The following FRMPD2 variants were observed in gnomAD, a reference collection of about 807,000 sequenced individuals.
FRMPD2 encodes FERM and PDZ domain containing 2, also known as FERM and PDZ domain-containing protein 2.
Under a neutral mutation model 140.1 loss-of-function variants are expected in FRMPD2, and 96 were observed. The observed-to-expected ratio is 0.69, with a 90% CI of 0.58 to 0.81. The LOEUF is 0.81. FRMPD2 is among the 40% of genes least tolerant of loss of function. The pLI is 0.00. For synonymous variants in FRMPD2, 449 were observed against 547.6 expected (o/e 0.82, Z 2.52); for missense variants, 1,240 against 1,447.4 (o/e 0.86, Z 2.32).
chr10:48,177,626 A>C (rs2579677), intron 22 of FRMPD2: 99 of 171,242 alleles, frequency 5.8e-4, no homozygotes, highest in Middle Eastern at 6.1e-3. Flanking sequence ...ATGTCTGAGC[A>C]AGAGGCTCCA....
chr10:48,195,464 A>G (rs1838929712), intron 15 of FRMPD2, among the ~76,000 whole-genome samples: 1 of 152,238 alleles, frequency 6.6e-6, no homozygotes, highest in Non-Finnish European at 1.5e-5. Flanking sequence ...CACAGCGAGA[A>G]ATCACTTTTA....
chr10:48,201,160 T>C (rs1232318423), intron 15 of FRMPD2, 68 bp downstream of exon 15: 1 of 1,244,136 alleles, frequency 8.0e-7, no homozygotes, highest in African/African-American at 1.5e-5. Context: ...TTGTATCTAT[T>C]TATACAAATT....
chr10:48,173,526 C>T (rs1210638512), intron 24 of FRMPD2, among the ~76,000 whole-genome samples: 1 of 151,640 alleles, frequency 6.6e-6, no homozygotes, highest in Non-Finnish European at 1.5e-5. Context: ...CCTCCTCTCT[C>T]ACTGCCAGTG....
intron 10 of FRMPD2, among the ~76,000 whole-genome samples, chr10:48,228,907 T>A (rs1203444517): frequency 5.3e-5 from 8 of 152,092 alleles, no homozygotes; most frequent in Admixed American, 5.2e-4. Context: ...TTATAAATGG[T>A]TTGAGAAAAT....
chr10:48,253,834 C>T (rs1485228735), intron 1 of FRMPD2, among the ~76,000 whole-genome samples: 1 of 152,108 alleles, frequency 6.6e-6, no homozygotes, highest in Non-Finnish European at 1.5e-5. Flanking sequence ...GATTGGAACC[C>T]TTTTTTCTCC....
chr10:48,186,440 G>A (rs1175781365), intron 17 of FRMPD2, among the ~76,000 whole-genome samples: 1 of 152,126 alleles, frequency 6.6e-6, no homozygotes, highest in Non-Finnish European at 1.5e-5. Flanking sequence ...AGGGACCCAG[G>A]GGGAAGTAAC....
intron 11 of FRMPD2, 31 bp from the exon 12 acceptor site, chr10:48,222,482 G>C (rs779416265): frequency 1.2e-6 from 2 of 1,611,042 alleles, no homozygotes; most frequent in Non-Finnish European, 1.7e-6. Flanking sequence ...AAAAGGGCTG[G>C]GTTGCTAAGG....
rs1163054939 is a variant in FRMPD2, at chr10:48,238,089, C to A, written c.823G>T (p.Ala275Ser). 2.5e-6 allele frequency: 4 copies of A among 1,613,158 alleles called. No homozygotes were observed. The highest frequency in any genetic ancestry group is 2.5e-6 in the Non-Finnish European group (3 of 1,180,034). ...GATCCAGAGCTGAGCCTCCGGCCCG[C>A]CTGCTGGTCCTGGGGATCTGCTCCT... ...LPGADPQDQQ[A>S]GRRLSSGSVH... The change falls in exon 8 of 29, where the codon GCG (alanine) becomes TCG (serine). Residue 275 changes from alanine to serine, a missense_variant. Physicochemically the swap from Ala to Ser is moderately conservative, Grantham distance 99. Transcript: ENST00000374201.
chr10:48,198,907 C>T (rs911653786), intron 15 of FRMPD2, among the ~76,000 whole-genome samples: 2 of 152,126 alleles, frequency 1.3e-5, no homozygotes, highest in Admixed American at 6.6e-5. Context: ...TATAGAGATG[C>T]TACTGATGTT....
chr10:48,217,382 G>T (rs1203701169), intron 12 of FRMPD2, among the ~76,000 whole-genome samples: 2 of 152,194 alleles, frequency 1.3e-5, no homozygotes, highest in Admixed American at 1.3e-4. Context: ...AAACCCAGCA[G>T]GGTGAGGGAA....
rs2564839 is a variant in FRMPD2, at chr10:48,161,583, C to T, written c.3881+1745G>A. Among the ~76,000 whole-genome samples, 853 of 145,200 alleles carry T rather than the reference C, an allele frequency of 5.9e-3. 8 individuals carry two copies. Among genetic ancestry groups the T allele is most frequent in the African/African-American group, 0.022 (804 of 36,252 alleles). Reference sequence around the variant, plus strand: ...AATGTGTAACTTTAAATGCTGGCCCCATAAGAACAGCATAACAGCATAAAG... The same window carrying T: ...AATGTGTAACTTTAAATGCTGGCCCTATAAGAACAGCATAACAGCATAAAG... On this transcript the variant is annotated intron_variant, in intron 28 of 28. Transcript: ENST00000374201.
intron 15 of FRMPD2, among the ~76,000 whole-genome samples, chr10:48,194,049 T>A (rs144033733): frequency 3.7e-4 from 56 of 152,364 alleles, no homozygotes; most frequent in African/African-American, 1.3e-3. Context: ...TTGCATAGTA[T>A]CTTACTCCAT....
intron 13 of FRMPD2, among the ~76,000 whole-genome samples, 193 bp from the exon 14 acceptor site, chr10:48,207,126 A>G (rs1839219296): frequency 6.7e-6 from 1 of 149,606 alleles, no homozygotes; most frequent in South Asian, 2.1e-4. Context: ...CACCTCTGAT[A>G]TGATAGAATT....
At chr10:48,237,401 C>A (rs1209738959) in intron 8 of FRMPD2, among the ~76,000 whole-genome samples, 1 of 152,128 alleles carries the variant, frequency 6.6e-6, no homozygotes, top group Non-Finnish European at 1.5e-5. Context: ...CAGAGAAGGG[C>A]CAAGGAGGAC....
intron 21 of FRMPD2, among the ~76,000 whole-genome samples, chr10:48,180,055 G>A (rs1432872229): frequency 6.6e-6 from 1 of 152,112 alleles, no homozygotes; most frequent in African/African-American, 2.4e-5. Context: ...AGGGGCACAG[G>A]CAACCTGTGT....
At chr10:48,187,962 G>A (rs937716234) in intron 16 of FRMPD2, among the ~76,000 whole-genome samples, 11 of 152,208 alleles carry the variant, frequency 7.2e-5, no homozygotes, top group Non-Finnish European at 1.6e-4. Context: ...ATGAGTCAAG[G>A]GAGATGTTGC....
At chr10:48,206,138 C>T (rs11101263) in intron 14 of FRMPD2, among the ~76,000 whole-genome samples, 51,292 of 151,954 alleles carry the variant, frequency 0.34, 10,410 homozygotes, top group African/African-American at 0.57. Flanking sequence ...CTTCAGGAGG[C>T]AGAAATATGC....
At chr10:48,216,615 A>G (rs575420861) in intron 12 of FRMPD2, among the ~76,000 whole-genome samples, 7 of 152,238 alleles carry the variant, frequency 4.6e-5, no homozygotes, top group Non-Finnish European at 1.0e-4. Flanking sequence ...TCAGAGCACT[A>G]TAATGCTGGA....
At chr10:48,274,169 C>T (rs1364065008) in intron 1 of FRMPD2, among the ~76,000 whole-genome samples, 1 of 152,162 alleles carries the variant, frequency 6.6e-6, no homozygotes, top group African/African-American at 2.4e-5. Flanking sequence ...TCCTCAGCAA[C>T]ATCGTAACGC....
Sources: gnomAD v4.1 joint callset for allele counts (sites outside exome capture counted in the v4.1 genomes callset) on GRCh38, gnomAD v4.1.1 for gene constraint, MANE v1.5 for transcripts, NCBI Gene and HGNC (gene_info 2026-07-23, HGNC 2026-07-21) for gene names.